The following TLK2 variants were observed in gnomAD, a reference collection of about 807,000 sequenced individuals.
TLK2 encodes serine/threonine-protein kinase tousled-like 2.
In TLK2, 6 loss-of-function variants were observed where a neutral mutation model predicts 117.3. That is an observed-to-expected ratio of 0.05 (90% CI 0.03 to 0.10). The LOEUF (loss-of-function observed/expected upper bound fraction) is 0.10. TLK2 is among the 10% of genes least tolerant of loss of function. The probability of loss-of-function intolerance (pLI) is 1.00; values close to 1 mark genes in which losing one functional copy is unlikely to be tolerated. For missense variants in TLK2, 299 were observed against 901.2 expected (o/e 0.33, Z 8.56); for synonymous variants, 257 against 316.7 (o/e 0.81, Z 2.00).
chr17:62,556,917 T>C (rs888038341), intron 9 of TLK2, among the ~76,000 whole-genome samples: 8 of 152,208 alleles, frequency 5.3e-5, no homozygotes, highest in African/African-American at 1.9e-4. Context: ...GTGTGAATTT[T>C]GATTTTATTG....
chr17:62,496,188 T>C (rs1406363577), intron 2 of TLK2, among the ~76,000 whole-genome samples: 1 of 152,218 alleles, frequency 6.6e-6, no homozygotes, highest in Non-Finnish European at 1.5e-5. Flanking sequence ...TATAAACTAT[T>C]GTGCATTTTG....
intron 7 of TLK2, among the ~76,000 whole-genome samples, chr17:62,536,570 A>G (rs1023151888): frequency 7.9e-5 from 12 of 152,102 alleles, no homozygotes; most frequent in Admixed American, 3.9e-4. Flanking sequence ...TGCTTTGTCA[A>G]AGCCTGAACC....
chr17:62,529,824 T>C (rs1269610060), intron 6 of TLK2, among the ~76,000 whole-genome samples: 1 of 150,610 alleles, frequency 6.6e-6, no homozygotes, highest in Non-Finnish European at 1.5e-5. Flanking sequence ...TCCATTTAGA[T>C]TGGATTTTTT....
chr17:62,533,187 TTAA>T (rs1302015036), intron 6 of TLK2, among the ~76,000 whole-genome samples: 1 of 151,422 alleles, frequency 6.6e-6, no homozygotes, highest in Non-Finnish European at 1.5e-5. Context: ...ATTTATATTA[TTAA>T]TTTGTTATAT....
chr17:62,612,216 G>A (rs897750764), intron 21 of TLK2, 176 bp from the exon 22 acceptor site: 2 of 579,678 alleles, frequency 3.5e-6, no homozygotes, highest in Non-Finnish European at 5.9e-6. Flanking sequence ...TTCTGTTGGT[G>A]CTTCTCCTTC....
chr17:62,590,558 C>T (rs941598417), intron 16 of TLK2, among the ~76,000 whole-genome samples: 1 of 152,228 alleles, frequency 6.6e-6, no homozygotes, highest in Non-Finnish European at 1.5e-5. Context: ...TGTGACTCTG[C>T]AGTTGCAGAA....
intron 10 of TLK2, 178 bp downstream of exon 10, chr17:62,560,304 A>T (rs2146343421): frequency 2.5e-6 from 1 of 401,168 alleles, no homozygotes; most frequent in Admixed American, 4.3e-5. Context: ...CCAGAGTGTT[A>T]ATTTGGGATA....
intron 16 of TLK2, among the ~76,000 whole-genome samples, chr17:62,595,809 T>C (rs935996541): frequency 1.3e-5 from 2 of 152,224 alleles, no homozygotes; most frequent in African/African-American, 4.8e-5. Flanking sequence ...TACAAAGTAC[T>C]GCTAATTGAT....
In TLK2 at chr17:62,573,332, G is replaced by A. The variant is rs752321569; in HGVS notation, c.1086G>A (p.Gln362=). ...CTCCTGCAACCAATGAGCAGAAACA[G>A]CGGAAAAGCAAGACCAATGGAGCTG... The part of the protein sequence containing the change: ...QAPPATNEQK[Q]RKSKTNGAEN... Residue 362 remains glutamine (Q), a synonymous_variant, in exon 12 of 22, where the codon CAG becomes CAA. Transcript: ENST00000346027. 25 of 1,613,940 alleles carry A rather than the reference G, an allele frequency of 1.5e-5. 1 individual carries two copies. In the South Asian group the frequency reaches 2.6e-4, roughly 17 times the overall value.
At chr17:62,598,725 G>A (rs934361555) in intron 17 of TLK2, among the ~76,000 whole-genome samples, 7 of 151,650 alleles carry the variant, frequency 4.6e-5, no homozygotes, top group Admixed American at 1.3e-4. Context: ...GGGTTTCACC[G>A]TGCTGGGCAG....
intron 7 of TLK2, among the ~76,000 whole-genome samples, chr17:62,538,087 G>A (rs1475043057): frequency 2.1e-5 from 3 of 144,528 alleles, no homozygotes; most frequent in Admixed American, 1.4e-4. Context: ...CCAGTCTGGA[G>A]TGCAGTGGCC....
intron 1 of TLK2, among the ~76,000 whole-genome samples, chr17:62,479,942 G>C (rs1448559867): frequency 2.0e-5 from 3 of 152,208 alleles, no homozygotes; most frequent in African/African-American, 7.2e-5. Context: ...CATTCTCCCA[G>C]TCTCTTTTTT....
chr17:62,504,915 C>G (rs2074540672), intron 2 of TLK2, among the ~76,000 whole-genome samples: 1 of 152,110 alleles, frequency 6.6e-6, no homozygotes, highest in African/African-American at 2.4e-5. Context: ...GTGATCTTGG[C>G]TTACTGCAAC....
At chr17:62,610,112 G>A (rs1403490498) in intron 21 of TLK2, among the ~76,000 whole-genome samples, 3 of 152,154 alleles carry the variant, frequency 2.0e-5, no homozygotes, top group Non-Finnish European at 4.4e-5. Flanking sequence ...GGTTTTTCAA[G>A]ACTATTTCTT....
intron 15 of TLK2, among the ~76,000 whole-genome samples, chr17:62,583,089 TTTTG>T (rs754112844): frequency 2.0e-5 from 3 of 152,176 alleles, no homozygotes; most frequent in South Asian, 2.1e-4. Flanking sequence ...TTTGTTTTTG[TTTTG>T]TTTGTTTGTT....
At chr17:62,594,268 C>T (rs143605152) in intron 16 of TLK2, among the ~76,000 whole-genome samples, 1,892 of 152,004 alleles carry the variant, frequency 0.012, 31 homozygotes, top group African/African-American at 0.043. Context: ...ATTAGCTGGG[C>T]GTGCTGGGAT....
At chr17:62,547,802 C>G (rs935493440) in intron 7 of TLK2, among the ~76,000 whole-genome samples, 11 of 152,112 alleles carry the variant, frequency 7.2e-5, no homozygotes, top group African/African-American at 2.7e-4. Context: ...GATCTGGCAA[C>G]ACAGAGCCAT....
At chr17:62,520,122 A>G (rs1449456721) in intron 2 of TLK2, among the ~76,000 whole-genome samples, 1 of 152,162 alleles carries the variant, frequency 6.6e-6, no homozygotes, top group Non-Finnish European at 1.5e-5. Flanking sequence ...CTAGGAGGGT[A>G]TGGGGCAGGT....
chr17:62,555,037 CAAAT>C (rs1479392561), intron 9 of TLK2, among the ~76,000 whole-genome samples: 4 of 151,598 alleles, frequency 2.6e-5, no homozygotes, highest in East Asian at 1.9e-4. Context: ...CACACACACA[CAAAT>C]GAATATATAC....
Sources: allele counts gnomAD v4.1 joint callset (sites outside exome capture counted in the v4.1 genomes callset), GRCh38; gene constraint gnomAD v4.1.1; transcripts MANE v1.5; gene names NCBI Gene and HGNC (gene_info 2026-07-23, HGNC 2026-07-21).